The following DNMT1 variants were observed in gnomAD, a reference collection of about 807,000 sequenced individuals.
DNMT1 encodes DNA methyltransferase 1, also known as DNA (cytosine-5)-methyltransferase 1.
In DNMT1, 24 loss-of-function variants were observed where a neutral mutation model predicts 205.3. The ratio of observed to expected loss-of-function variants is 0.12; its 90% confidence interval spans 0.08 to 0.16. The LOEUF (loss-of-function observed/expected upper bound fraction) is 0.16, where lower values mean the gene tolerates loss of function less well. DNMT1 is among the 10% of genes least tolerant of loss of function. The probability of loss-of-function intolerance (pLI) is 1.00; values close to 1 mark genes in which losing one functional copy is unlikely to be tolerated. For missense variants in DNMT1, 1,293 were observed against 2,177.7 expected (o/e 0.59, Z 8.09); for synonymous variants, 817 against 839.8 (o/e 0.97, Z 0.47).
intron 1 of DNMT1, among the ~76,000 whole-genome samples, chr19:10,194,184 A>G (rs1431009091): frequency 2.0e-5 from 3 of 152,216 alleles, no homozygotes; most frequent in Non-Finnish European, 2.9e-5. Context: ...AGTTCCTGCC[A>G]AAACATGGAC....
At chr19:10,144,641 C>T (rs1224526301) in intron 28 of DNMT1, 5 of 156,826 alleles carry the variant, frequency 3.2e-5, no homozygotes, top group African/African-American at 1.2e-4. Context: ...TGGGCTCAAA[C>T]ACTGGCAACT....
intron 28 of DNMT1, 37 bp from the exon 29 acceptor site, chr19:10,144,024 C>T: frequency 6.2e-7 from 1 of 1,606,190 alleles, no homozygotes; most frequent in Non-Finnish European, 8.5e-7. Flanking sequence ...AATGAACCTT[C>T]CACCTTGCAG....
Position 10,137,418 on chromosome 19 carries a change from G to T in DNMT1, c.4294-138C>A, listed in dbSNP as rs1332410965. ...GCCCATCGGGAAAGAGACAGTCAGG[G>T]ATATCGCACTTGGCTCGAGGCCACG... On this transcript the variant is annotated intron_variant, in intron 36 of 40. Transcript: ENST00000359526. This position sits in a 1 kb window ranked among gnomAD's most constrained non-coding sequence, Gnocchi z 6.4. The T allele has an allele frequency of 8.8e-7, 1 of 1,135,102 alleles. No homozygotes were observed. The highest frequency in any genetic ancestry group is 1.5e-5 in the African/African-American group (1 of 65,140). 70.3% of individuals were successfully genotyped at this position (1,135,102 alleles called of 1,614,324 possible).
intron 1 of DNMT1, among the ~76,000 whole-genome samples, chr19:10,185,301 T>C (rs1329642667): frequency 6.6e-6 from 1 of 151,746 alleles, no homozygotes; most frequent in Non-Finnish European, 1.5e-5. Context: ...GGTGGGCGCC[T>C]GTAGTCCCAG....
chr19:10,176,812 C>T lies in DNMT1; in HGVS notation c.569+480G>A, dbSNP rs1012952476. On this transcript the variant is annotated intron_variant, in intron 6 of 40. Coordinates refer to ENST00000359526, the MANE Select transcript of DNMT1 (RefSeq NM_001130823.3). ...GGCAGAGGTTGCAGTGAGCCGAGAT[C>T]GTGCCACTGCACTCCAGCCTGGGTG... Among the ~76,000 whole-genome samples, 5 of 151,962 alleles carry T rather than the reference C, an allele frequency of 3.3e-5. No individual in the cohort carries two copies. The East Asian group carries it at 9.6e-4, about 29-fold the overall frequency.
intron 10 of DNMT1, among the ~76,000 whole-genome samples, chr19:10,166,969 C>T (rs2038708785): frequency 6.6e-6 from 1 of 152,194 alleles, no homozygotes; most frequent in African/African-American, 2.4e-5. Context: ...GATGGGAATC[C>T]AGCCTGCGGT....
chr19:10,182,813 G>A lies in DNMT1; in HGVS notation c.81-736C>T, dbSNP rs567452708. Among the ~76,000 whole-genome samples, 14 of 151,110 alleles carry A rather than the reference G, an allele frequency of 9.3e-5. No individual in the cohort carries two copies. The South Asian group carries it at 1.7e-3, about 18-fold the overall frequency. Reference sequence around the variant, plus strand: ...GCCTCCCAAGTAGCTGGGATTATAGGTGCCACCAGCCTCGTTAATTTTTTG... The same window carrying A: ...GCCTCCCAAGTAGCTGGGATTATAGATGCCACCAGCCTCGTTAATTTTTTG... On this transcript the variant is annotated intron_variant, in intron 1 of 40. Transcript: ENST00000359526.
chr19:10,136,194 C>A lies in DNMT1; in HGVS notation c.4583G>T (p.Gly1528Val). Residue 1528 changes from glycine (G) to valine (V), a missense_variant, in exon 38 of 41, where the codon GGC becomes GTC. By Grantham distance (109) the Gly-to-Val change is moderately radical (BLOSUM62 -3). Coordinates refer to ENST00000359526, the MANE Select transcript of DNMT1 (RefSeq NM_001130823.3). ...GTCCCACTCGAGCCTTCCATAGAGG[C>A]CAGCCCAGTGGTTGTGCCGGTTCCC... Reference protein sequence around the residue: ...HTGNRHNHWAGLYGRLEWDGF... With the variant: ...HTGNRHNHWAVLYGRLEWDGF... 6.2e-7 allele frequency: 1 copy of A among 1,614,130 alleles called. No homozygotes were observed. Among genetic ancestry groups the A allele is most frequent in the African/African-American group, 1.3e-5 (1 of 75,062 alleles).
At chr19:10,155,661 T>C (rs2038443092) in intron 19 of DNMT1, among the ~76,000 whole-genome samples, 192 bp downstream of exon 19, 2 of 151,922 alleles carry the variant, frequency 1.3e-5, no homozygotes, top group South Asian at 2.1e-4. Flanking sequence ...CTCTTACAAC[T>C]GGAGAGTCAG....
rs993944941 is a variant in DNMT1, at chr19:10,138,780, GCAGATAAAGAA to G, written c.3949-186_3949-176del. Among the ~76,000 whole-genome samples, 4 of 152,244 alleles carry G rather than the reference GCAGATAAAGAA, an allele frequency of 2.6e-5. No homozygotes were observed. The highest frequency in any genetic ancestry group is 7.2e-5 in the African/African-American group (3 of 41,460). On this transcript the variant is annotated intron_variant, in intron 34 of 40. Coordinates refer to ENST00000359526, the MANE Select transcript of DNMT1 (RefSeq NM_001130823.3). This position sits in a 1 kb window ranked among gnomAD's most constrained non-coding sequence, Gnocchi z 4.1. Reference sequence around the variant, plus strand: ...GTGCTCCTGGTCAGAGGAGTTTGGAGCAGATAAAGAACAAAAGCAGCTGAGCCCAGGGGACA... The same window carrying G: ...GTGCTCCTGGTCAGAGGAGTTTGGAGCAAAAGCAGCTGAGCCCAGGGGACA...
At chr19:10,160,452 AAG>A in intron 13 of DNMT1, 34 bp from the exon 14 acceptor site, 2 of 1,612,630 alleles carry the variant, frequency 1.2e-6, no homozygotes, top group Non-Finnish European at 1.7e-6. Context: ...ATTAAAGGCT[AAG>A]AGAGTGTTTT....
chr19:10,177,968 AAAAG>A (rs2038967367), intron 5 of DNMT1, among the ~76,000 whole-genome samples: 3 of 151,840 alleles, frequency 2.0e-5, no homozygotes, highest in Non-Finnish European at 4.4e-5. Context: ...AGAAAGAAAA[AAAAG>A]AAATAGGCCA....
chr19:10,154,439 T>C lies in DNMT1; in HGVS notation c.1873A>G (p.Arg625Gly). The stretch of plus-strand genomic sequence containing the variant: ...TTCGTGGGTCCCCTGTCCTTCTCCC[T>C]GGTAGAATGCCTGATGGTCTGCCGC... ...ARRQTIRHSTREKDRGPTKAT... is the reference protein window; with the variant it reads ...ARRQTIRHSTGEKDRGPTKAT... The change falls in exon 22 of 41, where the codon AGG (arginine) becomes GGG (glycine). Residue 625 changes from arginine to glycine, a missense_variant. Transcript: ENST00000359526. This position sits in a 1 kb window ranked among gnomAD's most constrained non-coding sequence, Gnocchi z 6.3. 1 of 1,614,220 alleles carries C rather than the reference T, an allele frequency of 6.2e-7. No homozygotes were observed. Among genetic ancestry groups the C allele is most frequent in the Non-Finnish European group, 8.5e-7 (1 of 1,180,044 alleles).
intron 9 of DNMT1, among the ~76,000 whole-genome samples, chr19:10,170,769 G>T (rs1256214773): frequency 1.3e-5 from 2 of 151,364 alleles, no homozygotes; most frequent in South Asian, 2.1e-4. Context: ...AGTCATCTTG[G>T]TTTTTTTTTG....
At chr19:10,149,388 G>C in intron 26 of DNMT1, 65 bp downstream of exon 26, 7 of 1,506,776 alleles carry the variant, frequency 4.6e-6, no homozygotes. Context: ...AAACAAAACA[G>C]AACGCACGTC....
rs574365070 is a variant in DNMT1 at position 10,164,738 on chromosome 19, G to A, written c.892-1378C>T. On this transcript the variant is annotated intron_variant, in intron 11 of 40. Transcript: ENST00000359526. ...AGATCAGGAGTTAGAGACCAGCCTGGCCAACATGGTGAATCCCTGTCTCTA... is the reference window on the plus strand; with the variant it reads ...AGATCAGGAGTTAGAGACCAGCCTGACCAACATGGTGAATCCCTGTCTCTA... 3.3e-5 allele frequency among the ~76,000 whole-genome samples: 5 copies of A among 151,642 alleles called. No individual in the cohort carries two copies. The East Asian group carries it at 7.8e-4, about 24-fold the overall frequency.
Position 10,180,509 on chromosome 19 carries a change from C to A in DNMT1, c.286G>T (p.Ala96Ser). 6.2e-7 allele frequency: 1 copy of A among 1,614,142 alleles called. No individual in the cohort carries two copies. The highest frequency in any genetic ancestry group is 8.5e-7 in the Non-Finnish European group (1 of 1,180,036). The change falls in exon 4 of 41, where the codon GCT becomes TCT. Residue 96 changes from alanine (A) to serine (S), a missense_variant. Coordinates refer to ENST00000359526, the MANE Select transcript of DNMT1 (RefSeq NM_001130823.3). ...LNKDLSLENG[A>S]HAYNREVNGR... The stretch of plus-strand genomic sequence containing the variant: ...TTCACTTCCCGGTTGTAAGCATGAG[C>A]ACCGTTCTCCAAGGACAAATCTTTA...
chr19:10,137,397 A>G lies in DNMT1; in HGVS notation c.4294-117T>C. ...AGGAAGCCCCCTGGGGCTCACGCCC[A>G]TCGGGAAAGAGACAGTCAGGGATAT... On this transcript the variant is annotated intron_variant, in intron 36 of 40. Coordinates refer to ENST00000359526, the MANE Select transcript of DNMT1 (RefSeq NM_001130823.3). The surrounding 1 kb of genome is among the most constrained non-coding windows in gnomAD (Gnocchi z 6.4). 7.8e-7 allele frequency: 1 copy of G among 1,289,980 alleles called. No homozygotes were observed. 79.9% of individuals were successfully genotyped at this position (1,289,980 alleles called of 1,614,324 possible).
At position 10,156,566 on chromosome 19, in the gene DNMT1, G is replaced by A. The variant is rs1381060407; in HGVS notation, c.1281-57C>T. On this transcript the variant is annotated intron_variant, in intron 17 of 40. Transcript: ENST00000359526. The surrounding 1 kb of genome is among the most constrained non-coding windows in gnomAD (Gnocchi z 4.2). Reference sequence around the variant, plus strand: ...CTAAGCCGTGAAGGCGGGTCTTCGTGCAGACTTCAGATCAGGCACGAGGCA... The same window carrying A: ...CTAAGCCGTGAAGGCGGGTCTTCGTACAGACTTCAGATCAGGCACGAGGCA... 3 of 1,286,552 alleles carry A rather than the reference G, an allele frequency of 2.3e-6. No homozygotes were observed. Among genetic ancestry groups the A allele is most frequent in the African/African-American group, 2.9e-5 (2 of 68,486 alleles). 79.7% of individuals were successfully genotyped at this position (1,286,552 alleles called of 1,614,324 possible).
Sources: allele counts gnomAD v4.1 joint callset (sites outside exome capture counted in the v4.1 genomes callset), GRCh38; gene constraint gnomAD v4.1.1; non-coding constraint Gnocchi (gnomAD v3.1); transcripts MANE v1.5; gene names NCBI Gene and HGNC (gene_info 2026-07-23, HGNC 2026-07-21).